Variants in PTPN11 observed in about 807,000 individuals in gnomAD.
PTPN11 encodes protein tyrosine phosphatase non-receptor type 11, also known as tyrosine-protein phosphatase non-receptor type 11.
In PTPN11, 6 loss-of-function variants were observed where a neutral mutation model predicts 78.8. The ratio of observed to expected loss-of-function variants is 0.08; its 90% CI spans 0.04 to 0.15. PTPN11 has a LOEUF of 0.15. PTPN11 is among the 10% of genes least tolerant of loss of function. PTPN11 has a pLI of 1.00. For synonymous variants in PTPN11, 221 were observed against 263.5 expected (o/e 0.84, Z 1.56); for missense variants, 386 against 744.8 (o/e 0.52, Z 5.61).
chr12:112,473,877 C>T (rs1016516052), intron 7 of PTPN11, among the ~76,000 whole-genome samples: 1 of 151,866 alleles, frequency 6.6e-6, no homozygotes, highest in South Asian at 2.1e-4. Flanking sequence ...TGTGAATATT[C>T]GCAAAGCTGT....
intron 13 of PTPN11, among the ~76,000 whole-genome samples, chr12:112,498,591 A>C (rs2038838933): frequency 6.6e-6 from 1 of 152,126 alleles, no homozygotes; most frequent in Non-Finnish European, 1.5e-5. Flanking sequence ...CCTTCTCTCA[A>C]TCTTGGGTGT....
At chr12:112,470,009 C>T (rs116887293) in intron 6 of PTPN11, among the ~76,000 whole-genome samples, 2 of 152,114 alleles carry the variant, frequency 1.3e-5, no homozygotes, top group Non-Finnish European at 2.9e-5. Flanking sequence ...GCAGCCTTGA[C>T]CTTCTGGGCT....
At chr12:112,470,114 C>T (rs2038392140) in intron 6 of PTPN11, among the ~76,000 whole-genome samples, 1 of 152,032 alleles carries the variant, frequency 6.6e-6, no homozygotes, top group South Asian at 2.1e-4. Context: ...TAGAAGCCAG[C>T]TCTCACCATA....
chr12:112,454,287 T>C (rs947411884), intron 4 of PTPN11, among the ~76,000 whole-genome samples: 1 of 152,114 alleles, frequency 6.6e-6, no homozygotes, highest in Admixed American at 6.6e-5. Context: ...GCCTGGCTAA[T>C]TTTTGTATTT....
intron 11 of PTPN11, chr12:112,486,869 G>A: frequency 7.0e-7 from 1 of 1,420,248 alleles, no homozygotes; most frequent in East Asian, 2.6e-5. Context: ...CAAAGACTAA[G>A]TCAGCATTAT....
At chr12:112,476,759 A>G (rs1326143667) in intron 7 of PTPN11, among the ~76,000 whole-genome samples, 1 of 152,124 alleles carries the variant, frequency 6.6e-6, no homozygotes, top group Non-Finnish European at 1.5e-5. Context: ...ACAGAGGAAA[A>G]CCCTGTCTCA....
Position 112,482,040 on chromosome 12 carries a change from A to G in PTPN11, c.1093-34A>G, listed in dbSNP as rs767131227. On this transcript the variant is annotated intron_variant, in intron 9 of 15. Coordinates refer to ENST00000351677, the MANE Select transcript of PTPN11 (RefSeq NM_002834.5). The surrounding 1 kb of genome is among the most constrained non-coding windows in gnomAD (Gnocchi z 4.4). ...TTTAGGCTTTTATTTCAGAGTTCACAGAATTAACTTTCTTTTTTTCTGATC... is the reference window on the plus strand; with the variant it reads ...TTTAGGCTTTTATTTCAGAGTTCACGGAATTAACTTTCTTTTTTTCTGATC... 2.0e-6 allele frequency: 3 copies of G among 1,533,656 alleles called. No individual in the cohort carries two copies. The highest frequency in any genetic ancestry group is 2.7e-6 in the Non-Finnish European group (3 of 1,108,034).
rs1462694069 is a variant in PTPN11, at chr12:112,509,825, T to C, written c.*4033T>C. On this transcript the variant is annotated 3_prime_UTR_variant, in exon 16 of 16. Transcript: ENST00000351677. Reference sequence around the variant, plus strand: ...ATGGGTGTTAGCGCAACTGCTTTGCTAGTTGCAAAGCTGTATTATCAGAGT... The same window carrying C: ...ATGGGTGTTAGCGCAACTGCTTTGCCAGTTGCAAAGCTGTATTATCAGAGT... 1.3e-5 allele frequency: 2 copies of C among 152,642 alleles called. No homozygotes were observed. The highest frequency in any genetic ancestry group is 2.9e-5 in the Non-Finnish European group (2 of 68,038). 9.5% of individuals were successfully genotyped at this position (152,642 alleles called of 1,614,324 possible).
chr12:112,501,058 C>T (rs2038868997), intron 13 of PTPN11, among the ~76,000 whole-genome samples: 1 of 152,144 alleles, frequency 6.6e-6, no homozygotes, highest in Non-Finnish European at 1.5e-5. Context: ...GCCTGTGCCA[C>T]CAGGCCTGGC....
rs76116354 is a variant in PTPN11 at position 112,452,118 on chromosome 12, C to T, written c.333-1077C>T. ...CTCAAACTCCTGAACTCAGGTGATCCGCCCACCTTGACCTCTCAAAGTGCT... is the reference window on the plus strand; with the variant it reads ...CTCAAACTCCTGAACTCAGGTGATCTGCCCACCTTGACCTCTCAAAGTGCT... On this transcript the variant is annotated intron_variant, in intron 3 of 15. Coordinates refer to ENST00000351677, the MANE Select transcript of PTPN11 (RefSeq NM_002834.5). Among the ~76,000 whole-genome samples, 99 of 152,258 alleles carry T rather than the reference C, an allele frequency of 6.5e-4. 1 individual carries two copies. In the East Asian group the frequency reaches 0.018, roughly 28 times the overall value.
Position 112,488,508 on chromosome 12 carries a change from A to G in PTPN11, c.1445A>G (p.Lys482Arg). The G allele has an allele frequency of 6.2e-7, 1 of 1,607,896 alleles. No individual in the cohort carries two copies. The highest frequency in any genetic ancestry group is 8.5e-7 in the Non-Finnish European group (1 of 1,174,338). Reference sequence around the variant, plus strand: ...ATTCTTATTGACATCATCAGAGAGAAAGGTGGGTCATCTGGTGGGCAAGAA... The same window carrying G: ...ATTCTTATTGACATCATCAGAGAGAGAGGTGGGTCATCTGGTGGGCAAGAA... ...IDILIDIIRE[K>R]GVDCDIDVPK... is the part of the protein sequence containing the mutation. Residue 482 changes from lysine (K) to arginine (R), a missense_variant and splice_region_variant, in exon 12 of 16, where the codon AAA becomes AGA. Lys to Arg is a conservative substitution (Grantham distance 26, BLOSUM62 2). Around this residue, in one of 3 missense-constraint regions of PTPN11, gnomAD observed 63 missense variants for 182.2 expected, o/e 0.35. Transcript: ENST00000351677.
chr12:112,440,692 G>A (rs2037873722), intron 1 of PTPN11, among the ~76,000 whole-genome samples: 1 of 147,644 alleles, frequency 6.8e-6, no homozygotes, highest in African/African-American at 2.5e-5. Flanking sequence ...TCCTGCCTCA[G>A]CCTCCCGAGT....
intron 13 of PTPN11, among the ~76,000 whole-genome samples, chr12:112,500,245 A>AAAC (rs1001997732): frequency 6.6e-6 from 1 of 152,188 alleles, no homozygotes; most frequent in Non-Finnish European, 1.5e-5. Flanking sequence ...TCCATCTCAA[A>AAAC]AACAACAACA....
chr12:112,467,165 G>GC (rs1420769777), intron 6 of PTPN11, among the ~76,000 whole-genome samples: 2 of 152,086 alleles, frequency 1.3e-5, no homozygotes, highest in Admixed American at 1.3e-4. Flanking sequence ...GTGGAGTAGT[G>GC]CCGTTGGGTA....
chr12:112,487,420 T>C (rs921170246), intron 11 of PTPN11, among the ~76,000 whole-genome samples: 44 of 152,234 alleles, frequency 2.9e-4, no homozygotes, highest in African/African-American at 9.9e-4. Context: ...AGGTATGAGC[T>C]ACCATGCCCG....
intron 11 of PTPN11, 178 bp downstream of exon 11, chr12:112,486,807 C>A (rs2038685193): frequency 1.4e-6 from 2 of 1,467,718 alleles, no homozygotes; most frequent in South Asian, 2.8e-5. Context: ...TCTCCTAGAC[C>A]CTACAGCACT....
chr12:112,478,550 C>G (rs2038546166), intron 9 of PTPN11, among the ~76,000 whole-genome samples: 1 of 152,140 alleles, frequency 6.6e-6, no homozygotes, highest in African/African-American at 2.4e-5. Context: ...TTTCGAATAG[C>G]TTCTTTTGCT....
chr12:112,496,463 C>G (rs2038815514), intron 13 of PTPN11, among the ~76,000 whole-genome samples: 1 of 152,098 alleles, frequency 6.6e-6, no homozygotes, highest in African/African-American at 2.4e-5. Flanking sequence ...GCCCTCTCAG[C>G]AGATAGAGCT....
At chr12:112,446,185 C>T (rs911949089) in intron 1 of PTPN11, 91 bp from the exon 2 acceptor site, 3 of 1,534,474 alleles carry the variant, frequency 2.0e-6, no homozygotes, top group Non-Finnish European at 2.7e-6. Context: ...ATTTTCTACT[C>T]TGCTCATAAT....
Sources: gnomAD v4.1 joint callset for allele counts (sites outside exome capture counted in the v4.1 genomes callset) on GRCh38, gnomAD v4.1.1 for gene constraint, gnomAD v4.1.1 regional missense constraint, Gnocchi (gnomAD v3.1) non-coding constraint, MANE v1.5 for transcripts, NCBI Gene and HGNC (gene_info 2026-07-23, HGNC 2026-07-21) for gene names.